Variants in AKAP13 observed in about 807,000 individuals in gnomAD.
AKAP13 encodes the protein A-kinase anchoring protein 13, also known as A-kinase anchor protein 13.
A neutral mutation model predicts 264.5 loss-of-function variants in AKAP13; 80 were observed. That is an observed-to-expected ratio of 0.30 (90% CI 0.25 to 0.36). The LOEUF is 0.36. AKAP13 is among the 10% of genes least tolerant of loss of function. The pLI, the probability that AKAP13 is intolerant of heterozygous loss-of-function variation, is 1.00. For synonymous variants in AKAP13, 1,380 were observed against 1,250.2 expected, an observed-to-expected ratio of 1.10 and a Z score of -2.19; for missense variants, 3,712 against 3,435.2, an observed-to-expected ratio of 1.08 and a Z score of -2.01.
intron 26 of AKAP13, among the ~76,000 whole-genome samples, chr15:85,723,572 T>A (rs1345821826): frequency 1.3e-5 from 2 of 152,072 alleles, no homozygotes; most frequent in Admixed American, 1.3e-4. Context: ...AATAAGGTTT[T>A]AAAAAAACAA....
chr15:85,473,274 G>C lies in AKAP13; in HGVS notation c.-11-12436G>C, dbSNP rs555185773. ...GTGTGGGGGTGGGAGTAAAGAGTAG[G>C]GATGTAGGCTTACAGACCCAGGTTG... is the stretch of plus-strand genomic sequence containing the variant. On this transcript the variant is annotated intron_variant, in intron 1 of 36. Coordinates refer to ENST00000394518, the MANE Select transcript of AKAP13 (RefSeq NM_007200.5). 1.3e-3 allele frequency among the ~76,000 whole-genome samples: 198 copies of C among 152,268 alleles called. 2 individuals carry two copies. Among genetic ancestry groups the C allele is most frequent in the African/African-American group, 4.6e-3 (190 of 41,550 alleles).
At chr15:85,586,211 A>G (rs934455478) in intron 8 of AKAP13, among the ~76,000 whole-genome samples, 1 of 136,248 alleles carries the variant, frequency 7.3e-6, no homozygotes, top group African/African-American at 2.8e-5. Context: ...TTTTTTTGAG[A>G]TGGAGTTTTG....
At chr15:85,505,852 T>C (rs561907366) in intron 2 of AKAP13, among the ~76,000 whole-genome samples, 1 of 152,308 alleles carries the variant, frequency 6.6e-6, no homozygotes, top group Admixed American at 6.5e-5. Context: ...GTGCTCTTCT[T>C]GTCATTAGTC....
intron 8 of AKAP13, among the ~76,000 whole-genome samples, chr15:85,588,725 A>G (rs939146234): frequency 1.3e-5 from 2 of 152,146 alleles, no homozygotes; most frequent in Admixed American, 6.5e-5. Context: ...GCATACCTCA[A>G]TTTACAGATA....
intron 5 of AKAP13, among the ~76,000 whole-genome samples, chr15:85,568,765 T>C (rs1309909077): frequency 3.9e-5 from 6 of 152,358 alleles, no homozygotes; most frequent in Middle Eastern, 3.4e-3. Context: ...CAGGCACACA[T>C]GTATTTCACT....
intron 1 of AKAP13, among the ~76,000 whole-genome samples, chr15:85,465,483 T>C (rs1196764291): frequency 1.5e-5 from 2 of 137,304 alleles, no homozygotes; most frequent in Admixed American, 7.1e-5. Context: ...GTATATCTCC[T>C]AATGCTATCC....
Position 85,655,528 on chromosome 15 carries a change from A to C in AKAP13, c.4486A>C (p.Ile1496Leu). 1.2e-6 allele frequency: 2 copies of C among 1,614,206 alleles called. No homozygotes were observed. The highest frequency in any genetic ancestry group is 2.2e-5 in the East Asian group (1 of 44,888). ...TGGCAGTGATGTGTCTCTCTCCCAGATTTTAAAGCCAAACAGGTCAAGAGA... is the reference window on the plus strand; with the variant it reads ...TGGCAGTGATGTGTCTCTCTCCCAGCTTTTAAAGCCAAACAGGTCAAGAGA... ...SHGSDVSLSQ[I>L]LKPNRSRDRQ... Residue 1496 changes from isoleucine to leucine, a missense_variant, in exon 11 of 37, where the codon ATT (isoleucine) becomes CTT (leucine). Coordinates refer to ENST00000394518, the MANE Select transcript of AKAP13 (RefSeq NM_007200.5).
intron 10 of AKAP13, among the ~76,000 whole-genome samples, chr15:85,650,106 TA>T (rs541534662): frequency 2.0e-5 from 3 of 151,280 alleles, no homozygotes; most frequent in East Asian, 1.9e-4. Context: ...AAAAATTACT[TA>T]AAAAAAAACA....
intron 8 of AKAP13, among the ~76,000 whole-genome samples, chr15:85,618,774 A>G (rs1403755701): frequency 6.6e-6 from 1 of 151,524 alleles, no homozygotes; most frequent in Non-Finnish European, 1.5e-5. Context: ...CATACACAGA[A>G]CTCCTTTGTT....
chr15:85,542,647 A>AGT (rs2077612477), intron 4 of AKAP13, among the ~76,000 whole-genome samples: 1 of 152,202 alleles, frequency 6.6e-6, no homozygotes, highest in Admixed American at 6.5e-5. Context: ...CCTGGAGTTA[A>AGT]GTGTAGTACA....
intron 1 of AKAP13, among the ~76,000 whole-genome samples, chr15:85,400,616 A>G (rs1351474661): frequency 2.6e-5 from 4 of 152,132 alleles, no homozygotes; most frequent in Non-Finnish European, 4.4e-5. Flanking sequence ...GGTCTCAGCT[A>G]TAATAATGAT....
In AKAP13 at chr15:85,605,081, C is replaced by T. The variant is rs781199843; in HGVS notation, c.4161+19258C>T. Among the ~76,000 whole-genome samples, 50 of 151,742 alleles carry T rather than the reference C, an allele frequency of 3.3e-4. No homozygotes were observed. The Middle Eastern group carries it at 0.014, about 41-fold the overall frequency. On this transcript the variant is annotated intron_variant, in intron 8 of 36. Coordinates refer to ENST00000394518, the MANE Select transcript of AKAP13 (RefSeq NM_007200.5). ...TTATGCTCTTAATCCCCATGGATTA[C>T]CTAATTTCCTAGATAAACTATTCCC...
chr15:85,722,450 G>A, intron 25 of AKAP13, 103 bp downstream of exon 25: 2 of 926,118 alleles, frequency 2.2e-6, no homozygotes, highest in East Asian at 2.4e-5. Flanking sequence ...GCTTTAGTAT[G>A]TCTAAAAGAG....
chr15:85,544,024 A>G (rs1304941393), intron 5 of AKAP13, 69 bp downstream of exon 5: 2 of 1,559,282 alleles, frequency 1.3e-6, no homozygotes, highest in Non-Finnish European at 1.8e-6. Context: ...TAGGAGTACC[A>G]CCCACTTGGC....
intron 1 of AKAP13, among the ~76,000 whole-genome samples, chr15:85,475,912 C>T (rs914836591): frequency 9.2e-5 from 14 of 152,098 alleles, no homozygotes; most frequent in Non-Finnish European, 1.8e-4. Context: ...AGTACTGTGC[C>T]AGGTGCTGTG....
At chr15:85,397,627 G>C (rs2071182590) in intron 1 of AKAP13, among the ~76,000 whole-genome samples, 1 of 152,064 alleles carries the variant, frequency 6.6e-6, no homozygotes, top group Non-Finnish European at 1.5e-5. Context: ...GTCTTATATA[G>C]GTCAGGTCTT....
At position 85,748,390 on chromosome 15, in the gene AKAP13, A is replaced by C. The variant is rs1425310849; in HGVS notation, c.*3713A>C. On this transcript the variant is annotated 3_prime_UTR_variant, in exon 37 of 37. Transcript: ENST00000394518. ...ATAACCCTGTGGATGGAATTGGGGC[A>C]GCGGCTGCTGGAGATCTGTGTGCCT... 1 of 152,310 alleles carries C rather than the reference A, an allele frequency of 6.6e-6. No individual in the cohort carries two copies. The highest frequency in any genetic ancestry group is 2.4e-5 in the African/African-American group (1 of 41,460). The allele number at this position is 152,310 out of a possible 1,614,324, so 9.4% of individuals were successfully genotyped here.
chr15:85,519,092 T>G (rs911850304), intron 2 of AKAP13, among the ~76,000 whole-genome samples: 1 of 151,840 alleles, frequency 6.6e-6, no homozygotes, highest in Non-Finnish European at 1.5e-5. Context: ...GAAATCAAAG[T>G]GAATTTTTTT....
At chr15:85,593,549 A>T (rs1171127902) in intron 8 of AKAP13, among the ~76,000 whole-genome samples, 8 of 125,438 alleles carry the variant, frequency 6.4e-5, no homozygotes, top group East Asian at 4.2e-4. Context: ...TTTTTTTTTT[A>T]AATCACACAT....
Sources: gnomAD v4.1 joint callset for allele counts (sites outside exome capture counted in the v4.1 genomes callset) on GRCh38, gnomAD v4.1.1 for gene constraint, MANE v1.5 for transcripts, NCBI Gene and HGNC (gene_info 2026-07-23, HGNC 2026-07-21) for gene names.